Variants in NHSL1 observed in about 807,000 individuals in gnomAD.
NHSL1 encodes the protein NHS-like protein 1.
Under a neutral mutation model 95.0 loss-of-function variants are expected in NHSL1, and 48 were observed. The observed-to-expected ratio is 0.51, with a 90% CI of 0.40 to 0.64. The LOEUF (loss-of-function observed/expected upper bound fraction) is 0.64, where lower values mean the gene tolerates loss of function less well. Among genes scored for constraint, NHSL1 ranks in the 30% least tolerant of loss-of-function variants. NHSL1 has a pLI of 0.00. For missense variants in NHSL1, 1,971 were observed against 2,077.7 expected, an observed-to-expected ratio of 0.95 and a Z score of 1.00; for synonymous variants, 783 against 833.9, an observed-to-expected ratio of 0.94 and a Z score of 1.05.
chr6:138,449,162 G>A (rs4895530), intron 3 of NHSL1, among the ~76,000 whole-genome samples: 28,549 of 152,044 alleles, frequency 0.19, 2,997 homozygotes, highest in East Asian at 0.37. Context: ...CAACTACTAG[G>A]GCTCTATAAA....
chr6:138,665,373 C>T (rs181072539), intron 1 of NHSL1, among the ~76,000 whole-genome samples: 14 of 152,338 alleles, frequency 9.2e-5, no homozygotes, highest in African/African-American at 3.4e-4. Context: ...ATCTGTGAGT[C>T]TAAAAGCTAA....
At chr6:138,484,137 A>T (rs1208358111) in intron 2 of NHSL1, among the ~76,000 whole-genome samples, 1 of 152,184 alleles carries the variant, frequency 6.6e-6, no homozygotes, top group Non-Finnish European at 1.5e-5. Flanking sequence ...GTCTCAGTAG[A>T]ATTTCAGGGA....
intron 2 of NHSL1, among the ~76,000 whole-genome samples, chr6:138,485,034 T>C (rs567439290): frequency 6.6e-6 from 1 of 152,204 alleles, no homozygotes; most frequent in East Asian, 1.9e-4. Context: ...CAAGTCCTAG[T>C]TGAGCACCAC....
chr6:138,586,384 T>C (rs2114507385), intron 1 of NHSL1, among the ~76,000 whole-genome samples: 1 of 152,288 alleles, frequency 6.6e-6, no homozygotes, highest in East Asian at 1.9e-4. Context: ...CATAAGCCAT[T>C]GTGCCCAGCC....
In NHSL1 at chr6:138,436,885, G is replaced by A. The variant is rs180984055; in HGVS notation, c.665-3205C>T. On this transcript the variant is annotated intron_variant, in intron 5 of 7. Coordinates refer to ENST00000343505, the MANE Select transcript of NHSL1 (RefSeq NM_001144060.2). ...GTAAATGGAACAACAAAGCCTGGAT[G>A]ACAGCATGTCAGCTTACAGCATGAT... Among the ~76,000 whole-genome samples the A allele has an allele frequency of 3.2e-4, 48 of 152,298 alleles. No homozygotes were observed. In the East Asian group the frequency reaches 8.7e-3, roughly 28 times the overall value.
intron 1 of NHSL1, among the ~76,000 whole-genome samples, chr6:138,535,771 GT>G (rs1469483262): frequency 2.6e-5 from 4 of 152,156 alleles, no homozygotes; most frequent in African/African-American, 9.7e-5. Flanking sequence ...CATATCTGCA[GT>G]TCAGTACACC....
At chr6:138,666,195 C>T (rs867694878) in intron 1 of NHSL1, among the ~76,000 whole-genome samples, 9 of 152,098 alleles carry the variant, frequency 5.9e-5, no homozygotes, top group Non-Finnish European at 1.0e-4. Flanking sequence ...CCCATCTATT[C>T]GGGAGGCTGA....
intron 1 of NHSL1, among the ~76,000 whole-genome samples, chr6:138,544,320 C>T (rs1211119644): frequency 6.6e-6 from 1 of 151,892 alleles, no homozygotes; most frequent in Non-Finnish European, 1.5e-5. Flanking sequence ...TTCAGAAATA[C>T]TTAAATTCAT....
At chr6:138,672,538 A>G (rs1337467465) in intron 1 of NHSL1, among the ~76,000 whole-genome samples, 2 of 152,186 alleles carry the variant, frequency 1.3e-5, no homozygotes, top group African/African-American at 2.4e-5. Flanking sequence ...AAGCCATCTG[A>G]GGGGCAATAT....
chr6:138,525,657 T>C (rs965717946), intron 1 of NHSL1, among the ~76,000 whole-genome samples: 2 of 152,006 alleles, frequency 1.3e-5, no homozygotes, highest in Non-Finnish European at 2.9e-5. Flanking sequence ...ACGTACTTTG[T>C]TGCCAAATAA....
intron 1 of NHSL1, among the ~76,000 whole-genome samples, chr6:138,581,537 C>A (rs942275682): frequency 1.3e-5 from 2 of 151,748 alleles, no homozygotes; most frequent in African/African-American, 4.8e-5. Flanking sequence ...ACTGAAAATA[C>A]AAAAATTAGC....
At chr6:138,458,413 C>T (rs1287707428) in intron 3 of NHSL1, among the ~76,000 whole-genome samples, 1 of 152,134 alleles carries the variant, frequency 6.6e-6, no homozygotes, top group East Asian at 1.9e-4. Context: ...AGCCTCAGAT[C>T]AAGACAAAAC....
At chr6:138,536,110 T>C (rs528193073) in intron 1 of NHSL1, among the ~76,000 whole-genome samples, 1 of 152,296 alleles carries the variant, frequency 6.6e-6, no homozygotes, top group East Asian at 1.9e-4. Flanking sequence ...AACAGCAGTC[T>C]GGGAGAAACC....
At chr6:138,681,156 A>G (rs918723244) in intron 1 of NHSL1, among the ~76,000 whole-genome samples, 6 of 152,264 alleles carry the variant, frequency 3.9e-5, no homozygotes, top group South Asian at 2.1e-4. Flanking sequence ...TGGATTATAT[A>G]TATGAATGAA....
At chr6:138,606,340 C>T (rs1448210125) in intron 1 of NHSL1, among the ~76,000 whole-genome samples, 1 of 152,196 alleles carries the variant, frequency 6.6e-6, no homozygotes, top group Admixed American at 6.5e-5. Flanking sequence ...ATCATCACAA[C>T]ATTTCAAAAT....
rs1554256222 is a variant in NHSL1, at chr6:138,610,560, T to TATATATATA, written c.96+81915_96+81916insTATATATAT. ...ATAATAATAAAAAAATATATATATA[T>TATATATATA]TATATATATATATAAAAAGAAAAGA... On this transcript the variant is annotated intron_variant, in intron 1 of 3. Transcript: ENST00000491526. Among the ~76,000 whole-genome samples the TATATATATA allele has an allele frequency of 2.4e-3, 156 of 64,430 alleles. 1 individual carries two copies. Among genetic ancestry groups the TATATATATA allele is most frequent in the African/African-American group, 0.012 (151 of 12,472 alleles). 42.3% of individuals were successfully genotyped at this position (64,430 alleles called of 152,430 possible).
chr6:138,473,503 T>C, intron 2 of NHSL1, 70 bp from the exon 3 acceptor site: 1 of 1,307,472 alleles, frequency 7.6e-7, no homozygotes, highest in East Asian at 2.9e-5. Flanking sequence ...TTACTTTACG[T>C]TTACTCCTCT....
intron 1 of NHSL1, among the ~76,000 whole-genome samples, chr6:138,566,427 C>T (rs1029269374): frequency 1.3e-5 from 2 of 151,342 alleles, no homozygotes; most frequent in African/African-American, 4.9e-5. Context: ...ATCAATCAAT[C>T]AATAAAAAGT....
At chr6:138,441,892 G>T in intron 5 of NHSL1, 91 bp downstream of exon 5, 2 of 1,241,908 alleles carry the variant, frequency 1.6e-6, no homozygotes, top group Admixed American at 3.4e-5. Context: ...CTATCAGAAT[G>T]TATCGATTTT....
Sources: gnomAD v4.1 joint callset for allele counts (sites outside exome capture counted in the v4.1 genomes callset) on GRCh38, gnomAD v4.1.1 for gene constraint, MANE v1.5 for transcripts, NCBI Gene and HGNC (gene_info 2026-07-23, HGNC 2026-07-21) for gene names.